Variants in CLGN observed in about 807,000 individuals in gnomAD.
CLGN encodes the protein calmegin.
In CLGN, 62 loss-of-function variants were observed where a neutral mutation model predicts 79.1. That is an observed-to-expected ratio of 0.78 (90% confidence interval 0.64 to 0.97). CLGN has a LOEUF of 0.97. Among genes scored for constraint, CLGN ranks in the 50% least tolerant of loss-of-function variants. CLGN has a pLI of 0.00. For synonymous variants in CLGN, 225 were observed against 224.7 expected, an observed-to-expected ratio of 1.00 and a Z score of -0.01; for missense variants, 647 against 715.5, an observed-to-expected ratio of 0.90 and a Z score of 1.09.
chr4:140,417,085 G>A (rs1302631686), intron 1 of CLGN, among the ~76,000 whole-genome samples: 2 of 145,950 alleles, frequency 1.4e-5, no homozygotes, highest in Non-Finnish European at 3.0e-5. Context: ...TATAAACAGA[G>A]CCAAAGACAA....
chr4:140,390,858 C>A, intron 13 of CLGN, 130 bp from the exon 14 acceptor site: 1 of 449,612 alleles, frequency 2.2e-6, no homozygotes, highest in Non-Finnish European at 3.7e-6. Context: ...GCAACTTCTT[C>A]CATTCAAAAT....
intron 4 of CLGN, among the ~76,000 whole-genome samples, chr4:140,406,972 T>A (rs1192866632): frequency 6.6e-6 from 1 of 152,210 alleles, no homozygotes; most frequent in Non-Finnish European, 1.5e-5. Context: ...AAAATATTCA[T>A]TAATGAGCAC....
In CLGN at chr4:140,397,779, C is replaced by G. The variant is rs149135619; in HGVS notation, c.884+1072G>C. On this transcript the variant is annotated intron_variant, in intron 8 of 14. Transcript: ENST00000325617. Reference sequence around the variant, plus strand: ...ATTAGCCGGGCGTGGTGGCGCTTGCCTGTAATCCCACCTACTCATGAGGCT... The same window carrying G: ...ATTAGCCGGGCGTGGTGGCGCTTGCGTGTAATCCCACCTACTCATGAGGCT... Among the ~76,000 whole-genome samples, 988 of 152,230 alleles carry G rather than the reference C, an allele frequency of 6.5e-3. 11 individuals are homozygous for G. The highest frequency in any genetic ancestry group is 0.02 in the African/African-American group (840 of 41,544).
chr4:140,410,654 G>A (rs1184278359), intron 2 of CLGN, 28 bp from the exon 3 acceptor site: 14 of 1,329,712 alleles, frequency 1.1e-5, no homozygotes, highest in Non-Finnish European at 1.4e-5. Context: ...CAAGTCTAAA[G>A]TTATTCATTT....
chr4:140,402,997 C>T (rs1190683039), intron 5 of CLGN, among the ~76,000 whole-genome samples: 2 of 151,910 alleles, frequency 1.3e-5, no homozygotes, highest in Non-Finnish European at 2.9e-5. Context: ...GAAGGTAAAA[C>T]ATGATAGTAT....
At chr4:140,390,781 A>G (rs1397163910) in intron 13 of CLGN, 53 bp from the exon 14 acceptor site, 1 of 1,218,332 alleles carries the variant, frequency 8.2e-7, no homozygotes, top group Non-Finnish European at 1.2e-6. Flanking sequence ...GAATTTTGCT[A>G]CTGAAAAGTA....
Position 140,413,099 on chromosome 4 carries a change from A to T in CLGN, c.-9-12T>A. 1 of 1,598,212 alleles carries T rather than the reference A, an allele frequency of 6.3e-7. No homozygotes were observed. Among genetic ancestry groups the T allele is most frequent in the Non-Finnish European group, 8.5e-7 (1 of 1,173,804 alleles). On this transcript the variant is annotated splice_polypyrimidine_tract_variant and intron_variant, in intron 1 of 14. Coordinates refer to ENST00000325617, the MANE Select transcript of CLGN (RefSeq NM_004362.3). Reference sequence around the variant, plus strand: ...TGCATATTGATTATCTGTGAAATTAAAAGTAATTAGTGAAAATAAAACAAA... The same window carrying T: ...TGCATATTGATTATCTGTGAAATTATAAGTAATTAGTGAAAATAAAACAAA...
At chr4:140,404,800 G>A (rs1021799461) in intron 5 of CLGN, among the ~76,000 whole-genome samples, 1 of 151,914 alleles carries the variant, frequency 6.6e-6, no homozygotes, top group Non-Finnish European at 1.5e-5. Flanking sequence ...GACTACAGTC[G>A]GGCACCACCA....
intron 1 of CLGN, among the ~76,000 whole-genome samples, chr4:140,414,072 AC>A (rs1002987410): frequency 2.0e-5 from 3 of 152,154 alleles, no homozygotes; most frequent in African/African-American, 4.8e-5. Flanking sequence ...ACTGGGAGGC[AC>A]CCCCCAGCAG....
chr4:140,422,595 T>C (rs146475777), intron 1 of CLGN, among the ~76,000 whole-genome samples: 1 of 152,350 alleles, frequency 6.6e-6, no homozygotes, highest in East Asian at 1.9e-4. Flanking sequence ...TGCTAGTTTT[T>C]TTACCCTGCA....
chr4:140,406,216 A>C (rs918219706), intron 4 of CLGN, 133 bp from the exon 5 acceptor site: 1 of 783,356 alleles, frequency 1.3e-6, no homozygotes, highest in Admixed American at 2.9e-5. Context: ...AAATCAGGAA[A>C]TATCTTCAAC....
Position 140,389,126 on chromosome 4 carries a change from GA to G in CLGN, c.*97del, listed in dbSNP as rs1728727234. The G allele has an allele frequency of 4.7e-6, 4 of 855,446 alleles. No homozygotes were observed. The highest frequency in any genetic ancestry group is 7.7e-6 in the Non-Finnish European group (4 of 519,148). 53.0% of individuals were successfully genotyped at this position (855,446 alleles called of 1,614,324 possible). A position where few individuals can be genotyped will look rare whatever the true frequency, so the allele number is the denominator to read the frequency against. ...AAGAATATAATGTTGCTAGATATTA[GA>G]AACAGGATGTGCAGACTGATTAAAG... On this transcript the variant is annotated 3_prime_UTR_variant, in exon 15 of 15. Coordinates refer to ENST00000325617, the MANE Select transcript of CLGN (RefSeq NM_004362.3).
rs116813678 is a variant in CLGN, at chr4:140,423,334, G to A, written c.-10+4203C>T. Among the ~76,000 whole-genome samples, 751 of 152,236 alleles carry A rather than the reference G, an allele frequency of 4.9e-3. 4 individuals are homozygous for A. The highest frequency in any genetic ancestry group is 0.015 in the African/African-American group (618 of 41,556). Reference sequence around the variant, plus strand: ...CCTCCCTACATTGTAAATGTGGCATGGTACACTGATTTTCTTATGTTGAAT... The same window carrying A: ...CCTCCCTACATTGTAAATGTGGCATAGTACACTGATTTTCTTATGTTGAAT... On this transcript the variant is annotated intron_variant, in intron 1 of 14. Coordinates refer to ENST00000325617, the MANE Select transcript of CLGN (RefSeq NM_004362.3).
chr4:140,389,285 C>A lies in CLGN; in HGVS notation c.1772G>T (p.Ser591Ile), dbSNP rs370807639. The A allele has an allele frequency of 1.9e-6, 3 of 1,612,074 alleles. No individual in the cohort carries two copies. In the African/African-American group the frequency reaches 4.0e-5, roughly 22 times the overall value. Reference sequence around the variant, plus strand: ...TATCGGCCCATCTCCAGATCCTGTGCTCTCATCTGCTTCTTTCATCTAGAA... The same window carrying A: ...TATCGGCCCATCTCCAGATCCTGTGATCTCATCTGCTTCTTTCATCTAGAA... ...SEDEMKEADE[S>I]TGSGDGPIKS... Residue 591 changes from serine (S) to isoleucine (I), a missense_variant, in exon 15 of 15, where the codon AGC becomes ATC. Transcript: ENST00000325617.
chr4:140,405,548 A>G (rs1195106628), intron 5 of CLGN, among the ~76,000 whole-genome samples: 1 of 152,242 alleles, frequency 6.6e-6, no homozygotes, highest in Non-Finnish European at 1.5e-5. Context: ...ATAGTTTATG[A>G]CAGCAGAATT....
intron 5 of CLGN, among the ~76,000 whole-genome samples, chr4:140,405,431 G>A (rs917459019): frequency 3.2e-4 from 48 of 150,766 alleles, no homozygotes; most frequent in Admixed American, 6.6e-4. Context: ...TGATCTGCCC[G>A]CCTCGGCCTC....
intron 8 of CLGN, among the ~76,000 whole-genome samples, 174 bp from the exon 9 acceptor site, chr4:140,396,379 C>A (rs1229119562): frequency 3.9e-5 from 6 of 152,114 alleles, no homozygotes; most frequent in Admixed American, 3.3e-4. Flanking sequence ...GGTACATATT[C>A]CCTGTTGTGC....
intron 4 of CLGN, among the ~76,000 whole-genome samples, chr4:140,408,231 A>C (rs1374185132): frequency 6.6e-6 from 1 of 152,192 alleles, no homozygotes. Flanking sequence ...AAATTCTAGA[A>C]GATAACACCA....
At position 140,396,082 on chromosome 4, in the gene CLGN, G is replaced by A. The variant is rs776638378; in HGVS notation, c.998+10C>T. On this transcript the variant is annotated intron_variant, in intron 9 of 14. Coordinates refer to ENST00000325617, the MANE Select transcript of CLGN (RefSeq NM_004362.3). ...TTTGAAATCGACATTTGAAGATGAA[G>A]AGTGCTTACCAGTCATCAGGTTTTT... 4 of 1,612,470 alleles carry A rather than the reference G, an allele frequency of 2.5e-6. No homozygotes were observed. In the South Asian group the frequency reaches 3.3e-5, roughly 13 times the overall value.
Sources: gnomAD v4.1 joint callset for allele counts (sites outside exome capture counted in the v4.1 genomes callset) on GRCh38, gnomAD v4.1.1 for gene constraint, MANE v1.5 for transcripts, NCBI Gene and HGNC (gene_info 2026-07-23, HGNC 2026-07-21) for gene names.